MYH14: variants seen among roughly 807,000 people sequenced by gnomAD.
MYH14 encodes myosin-14.
Under a neutral mutation model 255.5 loss-of-function variants are expected in MYH14, and 123 were observed. That is an observed-to-expected ratio of 0.48 (90% CI 0.42 to 0.56). MYH14 has a LOEUF of 0.56. Among genes scored for constraint, MYH14 ranks in the 20% least tolerant of loss-of-function variants. The pLI, the probability that MYH14 is intolerant of heterozygous loss-of-function variation, is 0.00. For missense variants in MYH14, 2,423 were observed against 2,802.3 expected (o/e 0.86, Z 3.06); for synonymous variants, 1,095 against 1,161.2 (o/e 0.94, Z 1.16).
rs1460285794 is a variant in MYH14, at chr19:50,252,400, G to A, written c.1831-239G>A. On this transcript the variant is annotated intron_variant, in intron 15 of 42. Coordinates refer to ENST00000642316, the MANE Select transcript of MYH14 (RefSeq NM_001145809.2). The surrounding 1 kb of genome is among the most constrained non-coding windows in gnomAD (Gnocchi z 4.2). ...AGGGTGGCTGGAGCGGAATGAATAG[G>A]AAGAAAGTGGTGGTGGTGGAGGTCA... Among the ~76,000 whole-genome samples the A allele has an allele frequency of 6.6e-6, 1 of 152,104 alleles. No homozygotes were observed. The highest frequency in any genetic ancestry group is 6.6e-5 in the Admixed American group (1 of 15,266).
chr19:50,224,792 G>A (rs1479144172), intron 6 of MYH14: 1 of 456,368 alleles, frequency 2.2e-6, no homozygotes, highest in East Asian at 7.0e-5. Context: ...TACATAGGTG[G>A]TACAGATTTT....
At chr19:50,289,355 AAATCTTCCCCTACTCT>A (rs1416775179) in intron 34 of MYH14, 65 bp from the exon 35 acceptor site, 2 of 1,172,742 alleles carry the variant, frequency 1.7e-6, no homozygotes, top group Non-Finnish European at 2.5e-6. Context: ...ATCCTCCATC[AAATCTTCCCCTACTCT>A]AGCTAGGCTC....
chr19:50,246,133 C>T (rs867363613), intron 11 of MYH14, among the ~76,000 whole-genome samples: 10 of 55,628 alleles, frequency 1.8e-4, no homozygotes, highest in Non-Finnish European at 2.5e-4. Flanking sequence ...CCTTCCTTCC[C>T]TCCTTCCTTC....
At chr19:50,306,546 G>T (rs1370719075) in intron 40 of MYH14, among the ~76,000 whole-genome samples, 1 of 152,140 alleles carries the variant, frequency 6.6e-6, no homozygotes, top group Non-Finnish European at 1.5e-5. Context: ...ACAATAAATA[G>T]ATTAACAAAA....
chr19:50,295,789 C>T (rs899096748), intron 39 of MYH14, among the ~76,000 whole-genome samples: 1 of 151,898 alleles, frequency 6.6e-6, no homozygotes, highest in Non-Finnish European at 1.5e-5. Flanking sequence ...GAGACCCTGT[C>T]TCAAAAAGAA....
rs983539521 is a variant in MYH14 at position 50,244,206 on chromosome 19, C to A, written c.1115-36C>A. 11 of 1,595,954 alleles carry A rather than the reference C, an allele frequency of 6.9e-6. No homozygotes were observed. The Admixed American group carries it at 1.3e-4, about 19-fold the overall frequency. On this transcript the variant is annotated intron_variant, in intron 10 of 42. Transcript: ENST00000642316. ...CCAGTTAAGACCACACATCGGGGTCCAGAGCCACACGTGACCTCTGTCCTT... is the reference window on the plus strand; with the variant it reads ...CCAGTTAAGACCACACATCGGGGTCAAGAGCCACACGTGACCTCTGTCCTT...
rs542407432 is a variant in MYH14 at position 50,230,927 on chromosome 19, T to G, written c.973+304T>G. 1,174 of 382,450 alleles carry G rather than the reference T, an allele frequency of 3.1e-3. 14 individuals carry two copies. Among genetic ancestry groups the G allele is most frequent in the African/African-American group, 0.022 (1,047 of 48,584 alleles). 23.7% of individuals were successfully genotyped at this position (382,450 alleles called of 1,614,324 possible). On this transcript the variant is annotated intron_variant, in intron 9 of 42. Transcript: ENST00000642316. This position sits in a 1 kb window ranked among gnomAD's most constrained non-coding sequence, Gnocchi z 4.7. ...CTTCCGAAGCTCCGTGGCTTCTCTCTCGCGCGGCTTCTCCTCACTCCGGCG... is the reference window on the plus strand; with the variant it reads ...CTTCCGAAGCTCCGTGGCTTCTCTCGCGCGCGGCTTCTCCTCACTCCGGCG...
intron 16 of MYH14, 89 bp from the exon 17 acceptor site, chr19:50,255,131 C>G (rs2034543495): frequency 1.2e-6 from 1 of 832,476 alleles, no homozygotes; most frequent in Non-Finnish European, 2.0e-6. Flanking sequence ...CTGCCACCTC[C>G]TCTCCTTCCC....
chr19:50,231,606 G>T (rs2033389948), intron 9 of MYH14, among the ~76,000 whole-genome samples: 1 of 152,082 alleles, frequency 6.6e-6, no homozygotes, highest in Non-Finnish European at 1.5e-5. Flanking sequence ...CCAGCTATGT[G>T]GGAGGCTGAG....
chr19:50,249,289 C>A, intron 13 of MYH14, 150 bp downstream of exon 13: 1 of 961,520 alleles, frequency 1.0e-6, no homozygotes, highest in Non-Finnish European at 1.5e-6. Context: ...CTCTGTCCCC[C>A]TCTCTCTGGG....
intron 22 of MYH14, among the ~76,000 whole-genome samples, chr19:50,264,340 A>G (rs2035005594): frequency 6.6e-6 from 1 of 152,182 alleles, no homozygotes; most frequent in Non-Finnish European, 1.5e-5. Context: ...CAGCCCCTCC[A>G]GAGTCAAACT....
chr19:50,276,932 G>C lies in MYH14; in HGVS notation c.3825+31G>C. On this transcript the variant is annotated intron_variant, in intron 29 of 42. Coordinates refer to ENST00000642316, the MANE Select transcript of MYH14 (RefSeq NM_001145809.2). This position sits in a 1 kb window ranked among gnomAD's most constrained non-coding sequence, Gnocchi z 4.3. ...TTGGGGCAGGGGGACAGGGCAGGGG[G>C]GCCACGGGGAGGGCAGGGCAGGACG... 1 of 1,503,108 alleles carries C rather than the reference G, an allele frequency of 6.7e-7. No homozygotes were observed. The highest frequency in any genetic ancestry group is 9.1e-7 in the Non-Finnish European group (1 of 1,099,598). 93.1% of individuals were successfully genotyped at this position (1,503,108 alleles called of 1,614,324 possible).
intron 1 of MYH14, among the ~76,000 whole-genome samples, chr19:50,204,507 T>C (rs2031622697): frequency 6.6e-6 from 1 of 152,220 alleles, no homozygotes; most frequent in African/African-American, 2.4e-5. Flanking sequence ...CCTCTTACGC[T>C]GTGTGATCTT....
chr19:50,244,576 C>T (rs1174274190), intron 11 of MYH14, among the ~76,000 whole-genome samples: 3 of 149,866 alleles, frequency 2.0e-5, no homozygotes, highest in South Asian at 2.1e-4. Flanking sequence ...CTCCGCCTCC[C>T]GGGTTCACAC....
intron 34 of MYH14, among the ~76,000 whole-genome samples, chr19:50,287,742 T>A (rs748907053): frequency 5.3e-5 from 8 of 152,204 alleles, no homozygotes; most frequent in Admixed American, 6.5e-5. Flanking sequence ...CACATATTCA[T>A]GTGCATATGT....
At chr19:50,225,776 G>A (rs2033062471) in intron 7 of MYH14, 99 bp downstream of exon 7, 3 of 907,968 alleles carry the variant, frequency 3.3e-6, no homozygotes, top group Non-Finnish European at 5.3e-6. Flanking sequence ...ATCTGTTGAG[G>A]GAGGAGGGGC....
chr19:50,257,355 G>T lies in MYH14; in HGVS notation c.2101G>T (p.Gly701Cys). The T allele has an allele frequency of 6.2e-7, 1 of 1,609,024 alleles. No homozygotes were observed. Among genetic ancestry groups the T allele is most frequent in the East Asian group, 2.2e-5 (1 of 44,752 alleles). The change falls in exon 18 of 43, where the codon GGC becomes TGC. Residue 701 changes from glycine (G) to cysteine (C), a missense_variant. Around this residue, in one of 3 missense-constraint regions of MYH14, gnomAD observed 672 missense variants for 881.8 expected, o/e 0.76. Coordinates refer to ENST00000642316, the MANE Select transcript of MYH14 (RefSeq NM_001145809.2). ...VSSLGDGPPG[G>C]RPRRGMFRTV... is the part of the protein sequence containing the mutation. Reference sequence around the variant, plus strand: ...CAGCCTGGGCGACGGCCCACCAGGTGGCCGCCCCCGTCGGGGTATGTTCCG... The same window carrying T: ...CAGCCTGGGCGACGGCCCACCAGGTTGCCGCCCCCGTCGGGGTATGTTCCG...
intron 20 of MYH14, 62 bp downstream of exon 20, chr19:50,260,777 G>GTGCATGAGTGTGCA: frequency 8.2e-7 from 1 of 1,223,492 alleles, no homozygotes; most frequent in Non-Finnish European, 1.2e-6. Flanking sequence ...ATGAGTGTGC[G>GTGCATGAGTGTGCA]TGCATGTGTG....
At chr19:50,217,534 C>T (rs968069543) in intron 2 of MYH14, 81 bp from the exon 3 acceptor site, 4 of 1,524,594 alleles carry the variant, frequency 2.6e-6, no homozygotes, top group Non-Finnish European at 3.6e-6. Flanking sequence ...TTGTGCAGTG[C>T]ACGGCCTGCT....
Sources: gnomAD v4.1 joint callset for allele counts (sites outside exome capture counted in the v4.1 genomes callset) on GRCh38, gnomAD v4.1.1 for gene constraint, gnomAD v4.1.1 regional missense constraint, Gnocchi (gnomAD v3.1) non-coding constraint, MANE v1.5 for transcripts, NCBI Gene and HGNC (gene_info 2026-07-23, HGNC 2026-07-21) for gene names.